The following SLC35F1 variants were observed in gnomAD, a reference collection of about 807,000 sequenced individuals.
SLC35F1 encodes chromosome 6 open reading frame 169.
A neutral mutation model predicts 48.7 loss-of-function variants in SLC35F1; 14 were observed. That is an observed-to-expected ratio of 0.29 (90% CI 0.19 to 0.45). The LOEUF is 0.45. Among genes scored for constraint, SLC35F1 ranks in the 20% least tolerant of loss-of-function variants. The pLI is 1.00. For missense variants in SLC35F1, 404 were observed against 500.0 expected, an observed-to-expected ratio of 0.81 and a Z score of 1.83; for synonymous variants, 190 against 202.2, an observed-to-expected ratio of 0.94 and a Z score of 0.51.
At chr6:117,952,220 C>CA (rs1776371298) in intron 1 of SLC35F1, among the ~76,000 whole-genome samples, 1 of 151,898 alleles carries the variant, frequency 6.6e-6, no homozygotes, top group African/African-American at 2.4e-5. Context: ...GGGGAGGAGA[C>CA]AGTGTAAGTC....
chr6:118,076,948 C>A (rs1482726489), intron 1 of SLC35F1, among the ~76,000 whole-genome samples: 1 of 152,072 alleles, frequency 6.6e-6, no homozygotes, highest in African/African-American at 2.4e-5. Context: ...TTTTGTGCAA[C>A]CGTATTTTAG....
At chr6:118,082,037 C>T (rs887569402) in intron 1 of SLC35F1, among the ~76,000 whole-genome samples, 5 of 152,192 alleles carry the variant, frequency 3.3e-5, no homozygotes, top group African/African-American at 1.2e-4. Context: ...AATCCATTTT[C>T]TTTCTTTAAA....
intron 2 of SLC35F1, among the ~76,000 whole-genome samples, chr6:118,189,551 CT>C (rs1324481956): frequency 6.6e-6 from 1 of 152,180 alleles, no homozygotes; most frequent in African/African-American, 2.4e-5. Flanking sequence ...CAAATGTTTT[CT>C]CCCAATCAGT....
chr6:118,145,840 A>T (rs552997841), intron 1 of SLC35F1, among the ~76,000 whole-genome samples: 1 of 152,330 alleles, frequency 6.6e-6, no homozygotes, highest in South Asian at 2.1e-4. Flanking sequence ...AAATGTAATA[A>T]TAATTGTTTA....
chr6:118,182,365 C>T (rs1774589535), intron 2 of SLC35F1, among the ~76,000 whole-genome samples: 1 of 150,932 alleles, frequency 6.6e-6, no homozygotes, highest in South Asian at 2.1e-4. Context: ...TGGCACACCT[C>T]TGAGGCCTCA....
intron 1 of SLC35F1, among the ~76,000 whole-genome samples, chr6:118,010,030 T>A (rs1181547263): frequency 3.3e-5 from 5 of 152,198 alleles, no homozygotes; most frequent in African/African-American, 1.2e-4. Flanking sequence ...GTGTGCATAT[T>A]TGATGCTAAT....
chr6:118,066,169 C>T (rs1443996660), intron 1 of SLC35F1, among the ~76,000 whole-genome samples: 1 of 152,106 alleles, frequency 6.6e-6, no homozygotes, highest in African/African-American at 2.4e-5. Context: ...TAGAAAAATA[C>T]TTTTTTGTAA....
chr6:118,137,149 T>G (rs2114434141), intron 1 of SLC35F1, among the ~76,000 whole-genome samples: 1 of 152,312 alleles, frequency 6.6e-6, no homozygotes, highest in South Asian at 2.1e-4. Flanking sequence ...TCTTTTAGCT[T>G]TATAAATCTT....
rs752942549 is a variant in SLC35F1, at chr6:118,182,519, A to AAGGAAGGAAGGAAGGAAGGAAG, written c.349+27899_349+27900insAGGAAGGAAGGAAGGAAGGAAG. 1.1e-4 allele frequency among the ~76,000 whole-genome samples: 12 copies of AAGGAAGGAAGGAAGGAAGGAAG among 106,346 alleles called. 1 individual carries two copies. The highest frequency in any genetic ancestry group is 9.8e-4 in the Admixed American group (8 of 8,204). The allele number at this position is 106,346 out of a possible 152,430, so 69.8% of individuals were successfully genotyped here. On this transcript the variant is annotated intron_variant, in intron 2 of 7. Transcript: ENST00000360388. ...AAAAAAAAGAAAGAGAGAGAGAGAG[A>AAGGAAGGAAGGAAGGAAGGAAG]GAAGGAAGGAAGGAAGGAAGGAAGG...
intron 1 of SLC35F1, among the ~76,000 whole-genome samples, chr6:118,044,628 A>G (rs1227718221): frequency 6.6e-6 from 1 of 152,210 alleles, no homozygotes; most frequent in Non-Finnish European, 1.5e-5. Context: ...ATAGCTGAAT[A>G]GCCAAAATAA....
intron 2 of SLC35F1, among the ~76,000 whole-genome samples, chr6:118,201,706 A>G (rs1774875836): frequency 6.6e-6 from 1 of 152,220 alleles, no homozygotes; most frequent in African/African-American, 2.4e-5. Context: ...AACTATCACG[A>G]TAAATTTTAG....
At chr6:118,282,116 T>C (rs1392675379) in intron 6 of SLC35F1, among the ~76,000 whole-genome samples, 1 of 152,226 alleles carries the variant, frequency 6.6e-6, no homozygotes, top group East Asian at 1.9e-4. Flanking sequence ...ATTTTGTAGT[T>C]GTCAGTCAAA....
chr6:118,138,839 G>T (rs1053710906), intron 1 of SLC35F1, among the ~76,000 whole-genome samples: 1 of 151,964 alleles, frequency 6.6e-6, no homozygotes, highest in African/African-American at 2.4e-5. Flanking sequence ...TCATTATTAT[G>T]CATGTCACGT....
At chr6:117,966,131 G>GGCCCCCCCCCCCCC (rs1184701438) in intron 1 of SLC35F1, among the ~76,000 whole-genome samples, 2 of 101,098 alleles carry the variant, frequency 2.0e-5, no homozygotes, top group Non-Finnish European at 4.1e-5. Context: ...GCAGGCCACC[G>GGCCCCCCCCCCCCC]CCCCCCCCCC....
At chr6:118,198,748 T>C (rs1349027764) in intron 2 of SLC35F1, among the ~76,000 whole-genome samples, 4 of 152,234 alleles carry the variant, frequency 2.6e-5, no homozygotes, top group Non-Finnish European at 4.4e-5. Flanking sequence ...TGTGTATGTA[T>C]GTTTATCCAC....
chr6:118,174,283 C>G (rs1231778487), intron 2 of SLC35F1, among the ~76,000 whole-genome samples: 1 of 152,228 alleles, frequency 6.6e-6, no homozygotes, highest in East Asian at 1.9e-4. Flanking sequence ...AGCAAATTAT[C>G]AAACTTAACT....
intron 1 of SLC35F1, among the ~76,000 whole-genome samples, chr6:117,943,232 C>T (rs1776254853): frequency 6.6e-6 from 1 of 152,102 alleles, no homozygotes; most frequent in Non-Finnish European, 1.5e-5. Flanking sequence ...ATTGACCAGA[C>T]CTGTGGAGGT....
chr6:117,955,266 C>T (rs1776414097), intron 1 of SLC35F1, among the ~76,000 whole-genome samples: 1 of 152,162 alleles, frequency 6.6e-6, no homozygotes, highest in Non-Finnish European at 1.5e-5. Flanking sequence ...TTAGGAATTA[C>T]AAGCAAAAAT....
rs184121633 is a variant in SLC35F1, at chr6:118,309,844, A to G, written c.1003-4184A>G. Reference sequence around the variant, plus strand: ...AGGTTTAACTCTGTCTGGAAGTTAAAGAGCTTTGTACAGGCTTATTATCCA... The same window carrying G: ...AGGTTTAACTCTGTCTGGAAGTTAAGGAGCTTTGTACAGGCTTATTATCCA... On this transcript the variant is annotated intron_variant, in intron 7 of 7. Transcript: ENST00000360388. Among the ~76,000 whole-genome samples the G allele has an allele frequency of 1.2e-4, 18 of 152,334 alleles. 1 individual carries two copies. In the East Asian group the frequency reaches 3.5e-3, roughly 29 times the overall value.
Sources: allele counts gnomAD v4.1 joint callset (sites outside exome capture counted in the v4.1 genomes callset), GRCh38; gene constraint gnomAD v4.1.1; transcripts MANE v1.5; gene names NCBI Gene and HGNC (gene_info 2026-07-23, HGNC 2026-07-21).